COL6A3: variants seen among roughly 807,000 people sequenced by gnomAD.
The protein encoded by COL6A3 is collagen alpha-3(VI) chain.
In COL6A3, 137 loss-of-function variants were observed where a neutral mutation model predicts 274.1. That is an observed-to-expected ratio of 0.50 (90% CI 0.44 to 0.58). The LOEUF is 0.58. COL6A3 is among the 20% of genes least tolerant of loss of function. COL6A3 has a pLI of 0.00. For synonymous variants in COL6A3, 1,650 were observed against 1,650.6 expected, an observed-to-expected ratio of 1.00 and a Z score of 0.01; for missense variants, 3,950 against 4,124.9, an observed-to-expected ratio of 0.96 and a Z score of 1.16.
chr2:237,345,495 C>T (rs1293783637), intron 32 of COL6A3, among the ~76,000 whole-genome samples: 1 of 136,394 alleles, frequency 7.3e-6, no homozygotes, highest in Non-Finnish European at 1.5e-5. Flanking sequence ...CACGAGTGAA[C>T]CTGGGTCTAG....
intron 38 of COL6A3, among the ~76,000 whole-genome samples, chr2:237,340,041 C>T (rs767761036): frequency 1.3e-5 from 2 of 152,190 alleles, no homozygotes; most frequent in Admixed American, 6.5e-5. Context: ...GGCTAAGCCC[C>T]GATCAAAGCA....
rs755052076 is a variant in COL6A3, at chr2:237,378,897, G to A, written c.2236C>T (p.Leu746Phe). ...GSRIREHVPQLLLLLTAGQSE... is the reference protein window; with the variant it reads ...GSRIREHVPQFLLLLTAGQSE... Reference sequence around the variant, plus strand: ...TGCCCAGCTGTGAGCAGAAGCAGGAGCTGCGGCACGTGTTCACGGATCCTG... The same window carrying A: ...TGCCCAGCTGTGAGCAGAAGCAGGAACTGCGGCACGTGTTCACGGATCCTG... Residue 746 changes from leucine (L) to phenylalanine (F), a missense_variant, in exon 6 of 44, where the codon CTC becomes TTC. By Grantham distance (22) the Leu-to-Phe change is conservative. Around this residue, in one of 5 missense-constraint regions of COL6A3, gnomAD observed 1,934 missense variants for 1,984.3 expected, o/e 0.97. Coordinates refer to ENST00000295550, the MANE Select transcript of COL6A3 (RefSeq NM_004369.4). The A allele has an allele frequency of 1.9e-6, 3 of 1,614,242 alleles. No homozygotes were observed. Among genetic ancestry groups the A allele is most frequent in the Non-Finnish European group, 2.5e-6 (3 of 1,180,044 alleles).
chr2:237,343,347 A>C (rs1393496286), intron 36 of COL6A3: 1 of 145,746 alleles, frequency 6.9e-6, no homozygotes, highest in East Asian at 2.0e-4. Flanking sequence ...AAAAAAAAAA[A>C]GAAAGAAAAA....
rs759043836 is a variant in COL6A3 at position 237,324,803 on chromosome 2, G to C, written c.9505C>G (p.Pro3169Ala). The stretch of plus-strand genomic sequence containing the variant: ...GTTCCCATCACACTGATGACTCCGG[G>C]TTTGGCGAGCACTGAGCGTCGAGAG... ...EKVCAPVLAK[P>A]GVISVMGT The change falls in exon 44 of 44, where the codon CCC (proline) becomes GCC (alanine). Residue 3169 changes from proline to alanine, a missense_variant. By Grantham distance (27) the Pro-to-Ala change is conservative. Coordinates refer to ENST00000295550, the MANE Select transcript of COL6A3 (RefSeq NM_004369.4). 1 of 1,613,458 alleles carries C rather than the reference G, an allele frequency of 6.2e-7. No homozygotes were observed. The highest frequency in any genetic ancestry group is 8.5e-7 in the Non-Finnish European group (1 of 1,179,942).
chr2:237,407,497 C>A lies in COL6A3; in HGVS notation c.-31+6456G>T, dbSNP rs1229847561. On this transcript the variant is annotated intron_variant, in intron 1 of 43. Transcript: ENST00000295550. This position sits in a 1 kb window ranked among gnomAD's most constrained non-coding sequence, Gnocchi z 4.3. ...ATGCAGAAAGAGAAGGCCTGGACAT[C>A]CCCTACCAATGCCCTCCCTCTGTGA... Among the ~76,000 whole-genome samples, 2 of 152,198 alleles carry A rather than the reference C, an allele frequency of 1.3e-5. No individual in the cohort carries two copies. The highest frequency in any genetic ancestry group is 2.9e-5 in the Non-Finnish European group (2 of 68,038).
rs115360817 is a variant in COL6A3, at chr2:237,367,541, C to T, written c.4901-255G>A. ...GAGAAAAATTATTTGATGTCACACT[C>T]TGTGAAAACTCAGTGACAGAGAACT... On this transcript the variant is annotated intron_variant, in intron 10 of 43. Transcript: ENST00000295550. Among the ~76,000 whole-genome samples the T allele has an allele frequency of 6.7e-3, 1,014 of 152,330 alleles. 6 individuals carry two copies. Among genetic ancestry groups the T allele is most frequent in the African/African-American group, 0.023 (954 of 41,568 alleles).
chr2:237,329,344 C>G (rs1211222302), intron 42 of COL6A3: 1 of 152,248 alleles, frequency 6.6e-6, no homozygotes, highest in Admixed American at 6.5e-5. Flanking sequence ...CATGAGCCAT[C>G]ACACCCGGCC....
chr2:237,370,335 T>C (rs2077656288), intron 9 of COL6A3, among the ~76,000 whole-genome samples: 1 of 151,688 alleles, frequency 6.6e-6, no homozygotes, highest in Non-Finnish European at 1.5e-5. Context: ...GCCTCCCAGG[T>C]TCAAGTGATT....
intron 40 of COL6A3, 99 bp from the exon 41 acceptor site, chr2:237,334,988 A>C (rs1386834478): frequency 3.5e-6 from 5 of 1,443,356 alleles, no homozygotes; most frequent in Non-Finnish European, 4.9e-6. Context: ...GTTAACAGAC[A>C]AATTGACTTG....
Position 237,379,091 on chromosome 2 carries a change from A to C in COL6A3, c.2042T>G (p.Val681Gly), listed in dbSNP as rs753741086. 36 of 1,614,238 alleles carry C rather than the reference A, an allele frequency of 2.2e-5. No homozygotes were observed. The highest frequency in any genetic ancestry group is 2.7e-5 in the Non-Finnish European group (32 of 1,180,046). Reference sequence around the variant, plus strand: ...CGTTACAGGAGTGTCACTAAATTGCACTAAACCAACACGAATATTGTCATT... The same window carrying C: ...CGTTACAGGAGTGTCACTAAATTGCCCTAAACCAACACGAATATTGTCATT... ...IGNDNIRVGLVQFSDTPVTEF... is the reference protein window; with the variant it reads ...IGNDNIRVGLGQFSDTPVTEF... The change falls in exon 6 of 44, where the codon GTG (valine) becomes GGG (glycine). Residue 681 changes from valine (V) to glycine (G), a missense_variant. Coordinates refer to ENST00000295550, the MANE Select transcript of COL6A3 (RefSeq NM_004369.4).
At chr2:237,363,204 G>C in intron 14 of COL6A3, 49 bp downstream of exon 14, 1 of 1,591,856 alleles carries the variant, frequency 6.3e-7, no homozygotes, top group Non-Finnish European at 8.6e-7. Flanking sequence ...AATGCCAAAA[G>C]GTGTGGTATC....
intron 42 of COL6A3, chr2:237,327,734 G>C (rs555975355): frequency 3.3e-5 from 5 of 152,160 alleles, no homozygotes; most frequent in African/African-American, 7.2e-5. Flanking sequence ...TCTTAAGAAG[G>C]CTTCTAATGC....
At chr2:237,370,527 A>G (rs541798270) in intron 9 of COL6A3, among the ~76,000 whole-genome samples, 3 of 152,256 alleles carry the variant, frequency 2.0e-5, no homozygotes, top group Non-Finnish European at 4.4e-5. Flanking sequence ...GTGAGCCACC[A>G]CGCCCAGCCT....
intron 38 of COL6A3, among the ~76,000 whole-genome samples, chr2:237,340,076 T>C (rs12989274): frequency 8.5e-5 from 13 of 152,194 alleles, no homozygotes; most frequent in African/African-American, 2.9e-4. Context: ...CTTTCCCCGG[T>C]GCCCCTAACA....
chr2:237,367,179 A>C lies in COL6A3; in HGVS notation c.5008T>G (p.Tyr1670Asp), dbSNP rs1182604242. ...ACTTGGATGGAGTCGCCATCTTCAT[A>C]AACTGTGTCCACTATTTCAGACACA... ...RFVSEIVDTV[Y>D]EDGDSIQVGL... The change falls in exon 11 of 44, where the codon TAT (tyrosine) becomes GAT (aspartate). Residue 1670 changes from tyrosine (Y) to aspartate (D), a missense_variant. Coordinates refer to ENST00000295550, the MANE Select transcript of COL6A3 (RefSeq NM_004369.4). 1 of 1,614,104 alleles carries C rather than the reference A, an allele frequency of 6.2e-7. No homozygotes were observed. The highest frequency in any genetic ancestry group is 2.2e-5 in the East Asian group (1 of 44,898).
chr2:237,380,537 G>C lies in COL6A3; in HGVS notation c.1897+378C>G, dbSNP rs76966758. Among the ~76,000 whole-genome samples the C allele has an allele frequency of 3.2e-3, 486 of 152,282 alleles. 3 individuals are homozygous for C. The highest frequency in any genetic ancestry group is 0.011 in the African/African-American group (458 of 41,552). Reference sequence around the variant, plus strand: ...GTTTAGAAGTAGATGGACAACTCAGGAAAGGAAAGCTACATCCTGGTGATG... The same window carrying C: ...GTTTAGAAGTAGATGGACAACTCAGCAAAGGAAAGCTACATCCTGGTGATG... On this transcript the variant is annotated intron_variant, in intron 5 of 43. Transcript: ENST00000295550.
Position 237,336,409 on chromosome 2 carries a change from C to CACAGGCTTTGTTGTGGTGGTT in COL6A3, c.8670_8690dup (p.Thr2892_Thr2898dup), listed in dbSNP as rs746284792. 4 of 1,614,122 alleles carry CACAGGCTTTGTTGTGGTGGTT rather than the reference C, an allele frequency of 2.5e-6. No individual in the cohort carries two copies. Among genetic ancestry groups the CACAGGCTTTGTTGTGGTGGTT allele is most frequent in the African/African-American group, 1.3e-5 (1 of 74,934 alleles). On this transcript the variant is annotated inframe_insertion, in exon 40 of 44. Coordinates refer to ENST00000295550, the MANE Select transcript of COL6A3 (RefSeq NM_004369.4). ...TCACAGATGGCTGATTTATAATAGT[C>CACAGGCTTTGTTGTGGTGGTT]ACAGGCTTTGTTGTGGTGGTTACAG...
chr2:237,372,202 G>A lies in COL6A3; in HGVS notation c.3815C>T (p.Ala1272Val). The change falls in exon 9 of 44, where the codon GCT becomes GTT. Residue 1272 changes from alanine to valine, a missense_variant. Coordinates refer to ENST00000295550, the MANE Select transcript of COL6A3 (RefSeq NM_004369.4). ...GGGGTCATCGCTGAACTGGATGACA[G>A]CCACCCGGGTGGTGTCAAAGCCCAC... ...LDVGFDTTRVAVIQFSDDPKV... is the reference protein window; with the variant it reads ...LDVGFDTTRVVVIQFSDDPKV... 6.2e-7 allele frequency: 1 copy of A among 1,614,120 alleles called. No individual in the cohort carries two copies. Among genetic ancestry groups the A allele is most frequent in the Non-Finnish European group, 8.5e-7 (1 of 1,180,026 alleles).
Position 237,374,767 on chromosome 2 carries a change from G to C in COL6A3, c.3324C>G (p.Thr1108=). 1.2e-6 allele frequency: 2 copies of C among 1,613,996 alleles called. No homozygotes were observed. The highest frequency in any genetic ancestry group is 1.7e-6 in the Non-Finnish European group (2 of 1,179,962). Residue 1108 remains threonine (T), a synonymous_variant, in exon 8 of 44, where the codon ACC becomes ACG. Coordinates refer to ENST00000295550, the MANE Select transcript of COL6A3 (RefSeq NM_004369.4). This position sits in a 1 kb window ranked among gnomAD's most constrained non-coding sequence, Gnocchi z 4.8. The part of the protein sequence containing the change: ...LTLLGGPTPN[T]GAALEFVLRN... ...TCAGGACAAACTCCAGGGCGGCCCCGGTGTTGGGGGTCGGCCCTCCCAGCA... is the reference window on the plus strand; with the variant it reads ...TCAGGACAAACTCCAGGGCGGCCCCCGTGTTGGGGGTCGGCCCTCCCAGCA...
Sources: allele counts gnomAD v4.1 joint callset (sites outside exome capture counted in the v4.1 genomes callset), GRCh38; gene constraint gnomAD v4.1.1; regional missense constraint gnomAD v4.1.1; non-coding constraint Gnocchi (gnomAD v3.1); transcripts MANE v1.5; gene names NCBI Gene and HGNC (gene_info 2026-07-23, HGNC 2026-07-21).